The following CTXND1 variants were observed in gnomAD, a reference collection of about 807,000 sequenced individuals.
The protein encoded by CTXND1 is cortexin domain containing 1, also known as cortexin domain-containing 1 protein.
chr15:80,208,858 C>T (rs527804780), intron 1 of CTXND1, among the ~76,000 whole-genome samples: 2 of 152,294 alleles, frequency 1.3e-5, no homozygotes, highest in African/African-American at 4.8e-5. Context: ...CCCATGTTTC[C>T]GACCCCATGC....
intron 1 of CTXND1, among the ~76,000 whole-genome samples, chr15:80,235,895 T>G (rs1000073896): frequency 6.6e-6 from 1 of 151,352 alleles, no homozygotes; most frequent in Non-Finnish European, 1.5e-5. Flanking sequence ...GGGATAATGA[T>G]GAGGACTTAG....
At chr15:80,220,963 C>CA (rs1893309141) in intron 1 of CTXND1, among the ~76,000 whole-genome samples, 2 of 149,750 alleles carry the variant, frequency 1.3e-5, no homozygotes, top group African/African-American at 4.9e-5. Context: ...GGCTGGAGTG[C>CA]AGTGGCGCGA....
chr15:80,233,857 T>C (rs1192086535), intron 1 of CTXND1, among the ~76,000 whole-genome samples: 1 of 152,174 alleles, frequency 6.6e-6, no homozygotes, highest in African/African-American at 2.4e-5. Context: ...GTGAAGACAT[T>C]TAACAGGACA....
intron 1 of CTXND1, among the ~76,000 whole-genome samples, chr15:80,204,495 C>T (rs67277900): frequency 0.39 from 58,807 of 151,150 alleles, 12,357 homozygotes; most frequent in African/African-American, 0.56. Flanking sequence ...CTCTATGAAT[C>T]TGACTGCTCT....
intron 1 of CTXND1, among the ~76,000 whole-genome samples, chr15:80,204,176 A>G (rs1216455637): frequency 3.5e-5 from 1 of 28,492 alleles, no homozygotes; most frequent in East Asian, 1.8e-3. Flanking sequence ...AAAAATATAT[A>G]TATATATATA....
At chr15:80,238,405 T>C (rs1368877927) in intron 1 of CTXND1, among the ~76,000 whole-genome samples, 1 of 152,174 alleles carries the variant, frequency 6.6e-6, no homozygotes, top group Non-Finnish European at 1.5e-5. Flanking sequence ...TTGTTTTCAA[T>C]AATTTAAACA....
intron 1 of CTXND1, among the ~76,000 whole-genome samples, chr15:80,250,060 A>T (rs1427428749): frequency 6.6e-6 from 1 of 152,194 alleles, no homozygotes; most frequent in Non-Finnish European, 1.5e-5. Context: ...TTTCCTTGAT[A>T]CCATTTCATT....
chr15:80,218,604 C>T (rs1439555883), intron 1 of CTXND1, among the ~76,000 whole-genome samples: 3 of 151,344 alleles, frequency 2.0e-5, no homozygotes, highest in Admixed American at 6.6e-5. Context: ...TTTATTTTAC[C>T]TTTCTTCTCA....
chr15:80,251,048 A>T (rs1893688163), intron 1 of CTXND1, among the ~76,000 whole-genome samples: 1 of 152,198 alleles, frequency 6.6e-6, no homozygotes, highest in South Asian at 2.1e-4. Flanking sequence ...AACTGAGAAG[A>T]ACCTGCCGGC....
At chr15:80,227,810 G>T (rs1893388911) in intron 1 of CTXND1, among the ~76,000 whole-genome samples, 1 of 152,202 alleles carries the variant, frequency 6.6e-6, no homozygotes, top group Non-Finnish European at 1.5e-5. Context: ...AATCAGGGTG[G>T]CGGTTACTGA....
chr15:80,215,400 C>G (rs2142127084), intron 1 of CTXND1, among the ~76,000 whole-genome samples: 1 of 152,302 alleles, frequency 6.6e-6, no homozygotes, highest in South Asian at 2.1e-4. Context: ...TGAAAGAAGT[C>G]CCCAAGGTGC....
intron 1 of CTXND1, among the ~76,000 whole-genome samples, chr15:80,217,528 A>G (rs1893266418): frequency 1.0e-5 from 1 of 99,652 alleles, no homozygotes; most frequent in African/African-American, 4.2e-5. Flanking sequence ...TTGCTTATTT[A>G]TTTATTTATT....
chr15:80,245,307 C>T (rs370564242), intron 1 of CTXND1, among the ~76,000 whole-genome samples: 8 of 152,144 alleles, frequency 5.3e-5, no homozygotes, highest in Non-Finnish European at 8.8e-5. Context: ...GTGTTTACAT[C>T]GAGACTGATG....
intron 2 of CTXND1, 107 bp from the exon 3 acceptor site, chr15:80,202,121 G>A: frequency 2.5e-6 from 1 of 393,266 alleles, no homozygotes; most frequent in Non-Finnish European, 4.5e-6. Context: ...CCTGCACCGA[G>A]AGCTTGCTGC....
intron 1 of CTXND1, among the ~76,000 whole-genome samples, chr15:80,229,480 T>C (rs1893406085): frequency 6.6e-6 from 1 of 152,156 alleles, no homozygotes; most frequent in East Asian, 1.9e-4. Context: ...AGGCAAACTA[T>C]GGTCAGGTCC....
chr15:80,229,552 C>A (rs1385846151), intron 1 of CTXND1, among the ~76,000 whole-genome samples: 1 of 152,174 alleles, frequency 6.6e-6, no homozygotes, highest in African/African-American at 2.4e-5. Context: ...AATTCACGCC[C>A]TGGCCACCAC....
At chr15:80,229,245 A>G (rs1893403837) in intron 1 of CTXND1, among the ~76,000 whole-genome samples, 1 of 152,034 alleles carries the variant, frequency 6.6e-6, no homozygotes, top group South Asian at 2.1e-4. Flanking sequence ...TGGAAGGGAC[A>G]GGTTTCAGGG....
At chr15:80,229,704 C>A (rs1048706003) in intron 1 of CTXND1, among the ~76,000 whole-genome samples, 1 of 152,164 alleles carries the variant, frequency 6.6e-6, no homozygotes, top group African/African-American at 2.4e-5. Flanking sequence ...CTAAAAAATT[C>A]TGATATGGTC....
At chr15:80,214,477 A>G (rs182025801) in intron 1 of CTXND1, among the ~76,000 whole-genome samples, 14 of 152,356 alleles carry the variant, frequency 9.2e-5, no homozygotes, top group African/African-American at 3.1e-4. Flanking sequence ...ACCACAAAGT[A>G]GTAAACAAAA....
Sources: gnomAD v4.1 joint callset for allele counts (sites outside exome capture counted in the v4.1 genomes callset) on GRCh38, gnomAD v4.1.1 for gene constraint, MANE v1.5 for transcripts, NCBI Gene and HGNC (gene_info 2026-07-23, HGNC 2026-07-21) for gene names.